JAK1: variants seen among roughly 807,000 people sequenced by gnomAD.
The protein encoded by JAK1 is Janus kinase 1.
Under a neutral mutation model 136.6 loss-of-function variants are expected in JAK1, and 16 were observed. The ratio of observed to expected loss-of-function variants is 0.12; its 90% CI spans 0.08 to 0.18. JAK1 has a LOEUF of 0.18. Among genes scored for constraint, JAK1 ranks in the 10% least tolerant of loss-of-function variants. The probability of loss-of-function intolerance (pLI) is 1.00; values close to 1 mark genes in which losing one functional copy is unlikely to be tolerated. For missense variants in JAK1, 859 were observed against 1,450.1 expected (o/e 0.59, Z 6.62); for synonymous variants, 492 against 519.5 (o/e 0.95, Z 0.72).
At position 64,857,667 on chromosome 1, in the gene JAK1, C is replaced by G. The variant is rs756106505; in HGVS notation, c.1447G>C (p.Glu483Gln). Residue 483 changes from glutamate (E) to glutamine (Q), a missense_variant, in exon 10 of 25, where the codon GAG (glutamate) becomes CAG (glutamine). Physicochemically the swap from Glu to Gln is conservative, Grantham distance 29 (BLOSUM62 2). Coordinates refer to ENST00000342505, the MANE Select transcript of JAK1 (RefSeq NM_002227.4). ...DNILMTVTCF[E>Q]KSEQVQGAQK... is the part of the protein sequence containing the mutation. The stretch of plus-strand genomic sequence containing the variant: ...GTGTCCTGACTGACCTCAGACTTCT[C>G]AAAGCAGGTGACGGTCATGAGGATG... 1 of 1,614,032 alleles carries G rather than the reference C, an allele frequency of 6.2e-7. No individual in the cohort carries two copies. The highest frequency in any genetic ancestry group is 1.3e-5 in the African/African-American group (1 of 74,942).
chr1:65,022,264 C>A (rs1471658108), intron 2 of JAK1, among the ~76,000 whole-genome samples: 1 of 152,144 alleles, frequency 6.6e-6, no homozygotes, highest in East Asian at 1.9e-4. Flanking sequence ...TGTGTAATGT[C>A]CCCTCTCCTT....
intron 1 of JAK1, among the ~76,000 whole-genome samples, chr1:65,067,183 T>C (rs1446738293): frequency 6.8e-6 from 1 of 147,308 alleles, no homozygotes; most frequent in Non-Finnish European, 1.5e-5. Flanking sequence ...CTCCGCCGCC[T>C]ACCCCGAGGT....
chr1:64,926,399 A>T (rs1645583274), intron 1 of JAK1, among the ~76,000 whole-genome samples: 2 of 91,668 alleles, frequency 2.2e-5, no homozygotes, highest in Admixed American at 1.5e-4. Flanking sequence ...CACACTGCCC[A>T]GGTGGAACAA....
chr1:64,887,143 T>C lies in JAK1; in HGVS notation c.-77-802A>G, dbSNP rs35292595. Among the ~76,000 whole-genome samples, 6 of 152,212 alleles carry C rather than the reference T, an allele frequency of 3.9e-5. No homozygotes were observed. In the South Asian group the frequency reaches 1.2e-3, roughly 32 times the overall value. On this transcript the variant is annotated intron_variant, in intron 1 of 24. Coordinates refer to ENST00000342505, the MANE Select transcript of JAK1 (RefSeq NM_002227.4). Reference sequence around the variant, plus strand: ...AGCAACCTAAAATCAATAGTGTGAGTGCGTCAGGATGTTGTTAGCTCTGGT... The same window carrying C: ...AGCAACCTAAAATCAATAGTGTGAGCGCGTCAGGATGTTGTTAGCTCTGGT...
intron 1 of JAK1, among the ~76,000 whole-genome samples, chr1:65,054,212 T>C (rs1341511749): frequency 6.6e-6 from 1 of 152,158 alleles, no homozygotes; most frequent in Non-Finnish European, 1.5e-5. Context: ...TTTAAGCATG[T>C]AACAACAAAT....
At chr1:64,866,019 C>T (rs1483151830) in intron 7 of JAK1, among the ~76,000 whole-genome samples, 2 of 152,200 alleles carry the variant, frequency 1.3e-5, no homozygotes, top group African/African-American at 2.4e-5. Flanking sequence ...CTCAGCCTCC[C>T]AAAGTGCTGG....
chr1:64,940,275 A>G (rs993576956), intron 1 of JAK1, among the ~76,000 whole-genome samples: 3 of 152,092 alleles, frequency 2.0e-5, no homozygotes, highest in Non-Finnish European at 4.4e-5. Context: ...CCCTATTGTA[A>G]GAGTCATCAT....
chr1:64,890,233 T>G (rs984926955), intron 1 of JAK1, among the ~76,000 whole-genome samples: 1 of 149,582 alleles, frequency 6.7e-6, no homozygotes, highest in African/African-American at 2.5e-5. Context: ...CAATGAAAAC[T>G]ACAGGAAGAT....
intron 1 of JAK1, among the ~76,000 whole-genome samples, chr1:64,917,581 T>A (rs552183135): frequency 2.6e-5 from 4 of 152,292 alleles, no homozygotes; most frequent in African/African-American, 9.6e-5. Flanking sequence ...GTAGACTGCA[T>A]TGAGGGTAGA....
intron 1 of JAK1, among the ~76,000 whole-genome samples, chr1:65,050,194 T>C (rs1309736659): frequency 2.6e-5 from 4 of 152,232 alleles, no homozygotes; most frequent in Non-Finnish European, 5.9e-5. Context: ...GCCAGGCTTA[T>C]GCCAGACACT....
At chr1:64,884,520 C>T (rs1291674674) in intron 2 of JAK1, among the ~76,000 whole-genome samples, 1 of 152,174 alleles carries the variant, frequency 6.6e-6, no homozygotes, top group Non-Finnish European at 1.5e-5. Flanking sequence ...CCTGCTCCAT[C>T]ATCTGGCCGG....
intron 1 of JAK1, among the ~76,000 whole-genome samples, chr1:64,900,992 A>C (rs1645096332): frequency 6.6e-6 from 1 of 152,124 alleles, no homozygotes; most frequent in South Asian, 2.1e-4. Flanking sequence ...TTCCCAAGTG[A>C]GGCGTTCAGA....
At chr1:64,948,464 C>T (rs369868114) in intron 1 of JAK1, among the ~76,000 whole-genome samples, 1 of 152,212 alleles carries the variant, frequency 6.6e-6, no homozygotes, top group Non-Finnish European at 1.5e-5. Flanking sequence ...CTGTGTTCCC[C>T]AAGGAGTGTA....
chr1:64,875,141 G>C (rs1460933756), intron 4 of JAK1, among the ~76,000 whole-genome samples: 2 of 152,238 alleles, frequency 1.3e-5, no homozygotes, highest in Non-Finnish European at 2.9e-5. Context: ...AGGATAAGTT[G>C]TCCTTGGACA....
intron 2 of JAK1, among the ~76,000 whole-genome samples, chr1:64,884,293 A>C (rs775821075): frequency 8.5e-5 from 13 of 152,184 alleles, no homozygotes; most frequent in Non-Finnish European, 1.9e-4. Flanking sequence ...GAAAGGAGGA[A>C]AGAAATGAGG....
chr1:65,022,560 T>A lies in JAK1; in HGVS notation c.-78+21920A>T, dbSNP rs1197623513. On this transcript the variant is annotated intron_variant, in intron 2 of 25. Coordinates refer to the JAK1 transcript ENST00000671954. ...GAGGTGGGGTGATGTAAAGAAAAAA[T>A]TAAGAAATGAGACTGAGTCAGCCAA... Among the ~76,000 whole-genome samples the A allele has an allele frequency of 2.0e-5, 3 of 152,164 alleles. No individual in the cohort carries two copies. The East Asian group carries it at 5.8e-4, about 29-fold the overall frequency.
intron 2 of JAK1, chr1:65,003,724 T>C (rs1031722093): frequency 1.4e-5 from 2 of 145,104 alleles, no homozygotes; most frequent in African/African-American, 2.7e-5. Flanking sequence ...GGGTGCGTTT[T>C]CCCCTCTTTA....
intron 1 of JAK1, among the ~76,000 whole-genome samples, chr1:65,047,819 G>A (rs1371099222): frequency 6.6e-6 from 1 of 152,018 alleles, no homozygotes; most frequent in East Asian, 1.9e-4. Context: ...TAGTGTGGAC[G>A]TACTGTGTGC....
intron 8 of JAK1, among the ~76,000 whole-genome samples, chr1:64,863,395 A>G (rs1656484155): frequency 6.6e-6 from 1 of 152,200 alleles, no homozygotes; most frequent in Admixed American, 6.5e-5. Flanking sequence ...CCTGATATCC[A>G]GGATGTGCTC....
Sources: gnomAD v4.1 joint callset for allele counts (sites outside exome capture counted in the v4.1 genomes callset) on GRCh38, gnomAD v4.1.1 for gene constraint, MANE v1.5 for transcripts, NCBI Gene and HGNC (gene_info 2026-07-23, HGNC 2026-07-21) for gene names.